KCNA5: variants seen among roughly 807,000 people sequenced by gnomAD.
The protein encoded by KCNA5 is potassium voltage-gated channel subfamily A member 5.
Under a neutral mutation model 26.5 loss-of-function variants are expected in KCNA5, and 22 were observed. The ratio of observed to expected loss-of-function variants is 0.83; its 90% CI spans 0.59 to 1.18. The LOEUF is 1.18. KCNA5 is among the 50% of genes most tolerant of loss of function. The pLI is 0.00. For missense variants in KCNA5, 916 were observed against 843.2 expected, an observed-to-expected ratio of 1.09 and a Z score of -1.07; for synonymous variants, 465 against 372.8, an observed-to-expected ratio of 1.25 and a Z score of -2.85.
In KCNA5 at chr12:5,044,652, C is replaced by T; in HGVS notation, c.505C>T (p.Arg169Trp). Residue 169 changes from arginine (R) to tryptophan (W), a missense_variant, in exon 1 of 1, where the codon CGG (arginine) becomes TGG (tryptophan). By Grantham distance (101) the Arg-to-Trp change is moderately radical (BLOSUM62 -3). Transcript: ENST00000252321. ...LRNEYFFDRN[R>W]PSFDGILYYY... ...GAACGAGTACTTCTTCGACCGCAAC[C>T]GGCCCAGCTTCGACGGTATCCTCTA... 6.2e-7 allele frequency: 1 copy of T among 1,614,184 alleles called. No homozygotes were observed. Among genetic ancestry groups the T allele is most frequent in the Non-Finnish European group, 8.5e-7 (1 of 1,180,044 alleles).
chr12:5,043,955 A>G lies in KCNA5; in HGVS notation c.-193A>G. On this transcript the variant is annotated 5_prime_UTR_variant, in exon 1 of 1. Transcript: ENST00000252321. ...TTGGTAACGGGCTGCCAGAAGAGAGAGAGGCAGAGAGCAGGGCAGCGGCTT... is the reference window on the plus strand; with the variant it reads ...TTGGTAACGGGCTGCCAGAAGAGAGGGAGGCAGAGAGCAGGGCAGCGGCTT... The G allele has an allele frequency of 1.6e-6, 1 of 609,764 alleles. No individual in the cohort carries two copies. The highest frequency in any genetic ancestry group is 2.9e-6 in the Non-Finnish European group (1 of 350,702). The allele number at this position is 609,764 out of a possible 1,614,324, so 37.8% of individuals were successfully genotyped here.
At position 5,046,140 on chromosome 12, in the gene KCNA5, C is replaced by T; in HGVS notation, c.*151C>T. The T allele has an allele frequency of 2.1e-6, 2 of 975,490 alleles. No individual in the cohort carries two copies. Among genetic ancestry groups the T allele is most frequent in the Non-Finnish European group, 3.2e-6 (2 of 626,480 alleles). 60.4% of individuals were successfully genotyped at this position (975,490 alleles called of 1,614,324 possible). A position where few individuals can be genotyped will look rare whatever the true frequency, so the allele number is the denominator to read the frequency against. ...ACTCCTTTCCTCCCTCCCTCGATCC[C>T]CCCATTTTCTCTATTCTTTCCATGA... On this transcript the variant is annotated 3_prime_UTR_variant, in exon 1 of 1. Coordinates refer to ENST00000252321, the MANE Select transcript of KCNA5 (RefSeq NM_002234.4).
chr12:5,046,589 T>C lies in KCNA5; in HGVS notation c.*600T>C, dbSNP rs1314136051. The C allele has an allele frequency of 5.8e-6, 1 of 173,000 alleles. No individual in the cohort carries two copies. Among genetic ancestry groups the C allele is most frequent in the Admixed American group, 5.9e-5 (1 of 16,818 alleles). 10.7% of individuals were successfully genotyped at this position (173,000 alleles called of 1,614,324 possible). A position where few individuals can be genotyped will look rare whatever the true frequency, so the allele number is the denominator to read the frequency against. On this transcript the variant is annotated 3_prime_UTR_variant, in exon 1 of 1. Coordinates refer to ENST00000252321, the MANE Select transcript of KCNA5 (RefSeq NM_002234.4). The stretch of plus-strand genomic sequence containing the variant: ...TCCTGTGTCTCCAAGCCTCTGTCTT[T>C]TCTGGGATGTGGTATTGGTGCTTTG...
Position 5,044,923 on chromosome 12 carries a change from T to C in KCNA5, c.776T>C (p.Val259Ala). The C allele has an allele frequency of 6.2e-7, 1 of 1,613,678 alleles. No homozygotes were observed. ...GCCATCGCCATCGTCTCGGTCTTGG[T>C]TATCCTCATCTCCATCATCACCTTC... Reference protein sequence around the residue: ...ARAIAIVSVLVILISIITFCL... With the variant: ...ARAIAIVSVLAILISIITFCL... The change falls in exon 1 of 1, where the codon GTT becomes GCT. Residue 259 changes from valine (V) to alanine (A), a missense_variant. Physicochemically the swap from Val to Ala is moderately conservative, Grantham distance 64. Coordinates refer to ENST00000252321, the MANE Select transcript of KCNA5 (RefSeq NM_002234.4).
chr12:5,044,646 C>T lies in KCNA5; in HGVS notation c.499C>T (p.Arg167Cys), dbSNP rs1862750148. Residue 167 changes from arginine to cysteine, a missense_variant, in exon 1 of 1, where the codon CGC becomes TGC. Coordinates refer to ENST00000252321, the MANE Select transcript of KCNA5 (RefSeq NM_002234.4). The part of the protein sequence containing the change: ...DPLRNEYFFD[R>C]NRPSFDGILY... ...CCTGAGGAACGAGTACTTCTTCGAC[C>T]GCAACCGGCCCAGCTTCGACGGTAT... is the stretch of plus-strand genomic sequence containing the variant. 6.2e-7 allele frequency: 1 copy of T among 1,614,168 alleles called. No homozygotes were observed. The highest frequency in any genetic ancestry group is 2.2e-5 in the East Asian group (1 of 44,862).
rs1431231543 is a variant in KCNA5, at chr12:5,044,612, C to T, written c.465C>T (p.Tyr155=). Residue 155 remains tyrosine, a synonymous_variant, in exon 1 of 1, where the codon TAC becomes TAT. Coordinates refer to ENST00000252321, the MANE Select transcript of KCNA5 (RefSeq NM_002234.4). Reference sequence around the variant, plus strand: ...GGGACCCCGCCAAGCGCCTGCGCTACTTCGACCCCCTGAGGAACGAGTACT... The same window carrying T: ...GGGACCCCGCCAAGCGCCTGCGCTATTTCGACCCCCTGAGGAACGAGTACT... The part of the protein sequence containing the change: ...LLGDPAKRLR[Y]FDPLRNEYFF... The T allele has an allele frequency of 1.2e-6, 2 of 1,614,146 alleles. No homozygotes were observed. Among genetic ancestry groups the T allele is most frequent in the East Asian group, 2.2e-5 (1 of 44,874 alleles).
At position 5,044,927 on chromosome 12, in the gene KCNA5, C is replaced by T. The variant is rs781452840; in HGVS notation, c.780C>T (p.Ile260=). 35 of 1,613,644 alleles carry T rather than the reference C, an allele frequency of 2.2e-5. No individual in the cohort carries two copies. Among genetic ancestry groups the T allele is most frequent in the Admixed American group, 3.3e-5 (2 of 59,996 alleles). ...RAIAIVSVLV[I]LISIITFCLE... is the part of the protein sequence containing the mutation. ...TCGCCATCGTCTCGGTCTTGGTTAT[C>T]CTCATCTCCATCATCACCTTCTGCT... The change falls in exon 1 of 1, where the codon ATC becomes ATT. Residue 260 remains isoleucine (I), a synonymous_variant. Transcript: ENST00000252321.
rs61737395 is a variant in KCNA5, at chr12:5,044,239, G to A, written c.92G>A (p.Gly31Glu). ...EARAGCGQAT[G>E]GELQCPPTAG... ...CGGGCAGGCTGCGGCCAGGCCACAG[G>A]GGGAGAGCTCCAGTGTCCCCCGACG... Residue 31 changes from glycine to glutamate, a missense_variant, in exon 1 of 1, where the codon GGG becomes GAG. Gly to Glu is a moderately conservative substitution (Grantham distance 98). Coordinates refer to ENST00000252321, the MANE Select transcript of KCNA5 (RefSeq NM_002234.4). The A allele has an allele frequency of 6.5e-7, 1 of 1,539,188 alleles. No individual in the cohort carries two copies. The highest frequency in any genetic ancestry group is 8.7e-7 in the Non-Finnish European group (1 of 1,147,696).
In KCNA5 at chr12:5,044,092, G is replaced by A; in HGVS notation, c.-56G>A. 11 of 1,526,716 alleles carry A rather than the reference G, an allele frequency of 7.2e-6. No individual in the cohort carries two copies. The highest frequency in any genetic ancestry group is 9.6e-6 in the Non-Finnish European group (11 of 1,140,950). 94.6% of individuals were successfully genotyped at this position (1,526,716 alleles called of 1,614,324 possible). ...GACGCCAGGCGCCCGCGGAGCGTGA[G>A]TAGGGGGCGCGGGAGCCGGTCAGCT... is the stretch of plus-strand genomic sequence containing the variant. On this transcript the variant is annotated 5_prime_UTR_variant, in exon 1 of 1. Transcript: ENST00000252321.
In KCNA5 at chr12:5,045,306, G is replaced by A. The variant is rs200759249; in HGVS notation, c.1159G>A (p.Gly387Ser). The stretch of plus-strand genomic sequence containing the variant: ...GCAGCAGCCAGGGGGTGGAGGAGGC[G>A]GCCAGAATGGGCAGCAGGCCATGTC... ...AEQQPGGGGG[G>S]QNGQQAMSLA... is the part of the protein sequence containing the mutation. Residue 387 changes from glycine to serine, a missense_variant, in exon 1 of 1, where the codon GGC becomes AGC. Gly to Ser is a moderately conservative substitution (Grantham distance 56). Transcript: ENST00000252321. This position sits in a 1 kb window ranked among gnomAD's most constrained non-coding sequence, Gnocchi z 5.6. 7.4e-6 allele frequency: 12 copies of A among 1,614,088 alleles called. No individual in the cohort carries two copies. The Admixed American group carries it at 1.7e-4, about 22-fold the overall frequency.
At position 5,044,465 on chromosome 12, in the gene KCNA5, G is replaced by C. The variant is rs746237540; in HGVS notation, c.318G>C (p.Thr106=). The change falls in exon 1 of 1, where the codon ACG becomes ACC. Residue 106 remains threonine (T), a synonymous_variant. Coordinates refer to ENST00000252321, the MANE Select transcript of KCNA5 (RefSeq NM_002234.4). ...AAGAAGGCGATCCCGGCCTGGGCAC[G>C]GTGGAGGACCAGGCTCTGGGCACGG... The part of the protein sequence containing the change: ...EEEEGDPGLG[T]VEDQALGTAS... 6.2e-7 allele frequency: 1 copy of C among 1,611,532 alleles called. No individual in the cohort carries two copies. Among genetic ancestry groups the C allele is most frequent in the South Asian group, 1.1e-5 (1 of 90,940 alleles).
chr12:5,044,743 A>G lies in KCNA5; in HGVS notation c.596A>G (p.Glu199Gly). ...VNVSLDVFAD[E>G]IRFYQLGDEA... Reference sequence around the variant, plus strand: ...GTCTCCCTGGACGTGTTCGCGGACGAGATACGCTTCTACCAGCTGGGGGAC... The same window carrying G: ...GTCTCCCTGGACGTGTTCGCGGACGGGATACGCTTCTACCAGCTGGGGGAC... Residue 199 changes from glutamate (E) to glycine (G), a missense_variant, in exon 1 of 1, where the codon GAG becomes GGG. By Grantham distance (98) the Glu-to-Gly change is moderately conservative. Coordinates refer to ENST00000252321, the MANE Select transcript of KCNA5 (RefSeq NM_002234.4). 1 of 1,614,108 alleles carries G rather than the reference A, an allele frequency of 6.2e-7. No individual in the cohort carries two copies. Among genetic ancestry groups the G allele is most frequent in the Non-Finnish European group, 8.5e-7 (1 of 1,180,034 alleles).
rs958160393 is a variant in KCNA5 at position 5,044,310 on chromosome 12, G to C, written c.163G>C (p.Gly55Arg). 2.6e-6 allele frequency: 4 copies of C among 1,549,582 alleles called. No individual in the cohort carries two copies. Among genetic ancestry groups the C allele is most frequent in the Non-Finnish European group, 2.6e-6 (3 of 1,153,866 alleles). Residue 55 changes from glycine to arginine, a missense_variant, in exon 1 of 1, where the codon GGC becomes CGC. By Grantham distance (125) the Gly-to-Arg change is moderately radical. Coordinates refer to ENST00000252321, the MANE Select transcript of KCNA5 (RefSeq NM_002234.4). ...GPKEPAPKGRGAQRDADSGVR... is the reference protein window; with the variant it reads ...GPKEPAPKGRRAQRDADSGVR... ...CAAGGAGCCGGCGCCAAAGGGGCGC[G>C]GCGCGCAGAGAGACGCGGACTCGGG...
Position 5,044,608 on chromosome 12 carries a change from G to A in KCNA5, c.461G>A (p.Arg154His), listed in dbSNP as rs1416234841. 3 of 1,614,088 alleles carry A rather than the reference G, an allele frequency of 1.9e-6. No individual in the cohort carries two copies. The highest frequency in any genetic ancestry group is 2.2e-5 in the East Asian group (1 of 44,864). ...TLLGDPAKRLRYFDPLRNEYF... is the reference protein window; with the variant it reads ...TLLGDPAKRLHYFDPLRNEYF... ...CTGGGGGACCCCGCCAAGCGCCTGCGCTACTTCGACCCCCTGAGGAACGAG... is the reference window on the plus strand; with the variant it reads ...CTGGGGGACCCCGCCAAGCGCCTGCACTACTTCGACCCCCTGAGGAACGAG... Residue 154 changes from arginine (R) to histidine (H), a missense_variant, in exon 1 of 1, where the codon CGC (arginine) becomes CAC (histidine). Physicochemically the swap from Arg to His is conservative, Grantham distance 29. Transcript: ENST00000252321.
chr12:5,044,598 A>C lies in KCNA5; in HGVS notation c.451A>C (p.Lys151Gln). Residue 151 changes from lysine (K) to glutamine (Q), a missense_variant, in exon 1 of 1, where the codon AAG (lysine) becomes CAG (glutamine). Lys to Gln is a moderately conservative substitution (Grantham distance 53). Coordinates refer to ENST00000252321, the MANE Select transcript of KCNA5 (RefSeq NM_002234.4). ...FPNTLLGDPAKRLRYFDPLRN... is the reference protein window; with the variant it reads ...FPNTLLGDPAQRLRYFDPLRN... The stretch of plus-strand genomic sequence containing the variant: ...CAACACACTCCTGGGGGACCCCGCC[A>C]AGCGCCTGCGCTACTTCGACCCCCT... 1.2e-6 allele frequency: 2 copies of C among 1,614,104 alleles called. No individual in the cohort carries two copies. The highest frequency in any genetic ancestry group is 1.7e-6 in the Non-Finnish European group (2 of 1,180,034).
rs756977657 is a variant in KCNA5, at chr12:5,044,607, C to A, written c.460C>A (p.Arg154Ser). 1.7e-5 allele frequency: 28 copies of A among 1,613,972 alleles called. No individual in the cohort carries two copies. In the South Asian group the frequency reaches 1.8e-4, roughly 10 times the overall value. ...TLLGDPAKRL[R>S]YFDPLRNEYF... is the part of the protein sequence containing the mutation. ...CCTGGGGGACCCCGCCAAGCGCCTG[C>A]GCTACTTCGACCCCCTGAGGAACGA... The change falls in exon 1 of 1, where the codon CGC becomes AGC. Residue 154 changes from arginine (R) to serine (S), a missense_variant. Arg to Ser is a moderately radical substitution (Grantham distance 110). Coordinates refer to ENST00000252321, the MANE Select transcript of KCNA5 (RefSeq NM_002234.4).
rs199597465 is a variant in KCNA5 at position 5,044,711 on chromosome 12, G to A, written c.564G>A (p.Pro188=). Residue 188 remains proline (P), a synonymous_variant, in exon 1 of 1, where the codon CCG becomes CCA. Transcript: ENST00000252321. ...YYQSGGRLRR[P]VNVSLDVFAD... is the part of the protein sequence containing the mutation. ...AGTCCGGGGGCCGCCTGCGGAGGCC[G>A]GTCAACGTCTCCCTGGACGTGTTCG... The A allele has an allele frequency of 3.7e-6, 6 of 1,614,154 alleles. No individual in the cohort carries two copies. In the East Asian group the frequency reaches 8.9e-5, roughly 24 times the overall value.
At position 5,045,666 on chromosome 12, in the gene KCNA5, A is replaced by T. The variant is rs772634120; in HGVS notation, c.1519A>T (p.Thr507Ser). The change falls in exon 1 of 1, where the codon ACC becomes TCC. Residue 507 changes from threonine to serine, a missense_variant. By Grantham distance (58) the Thr-to-Ser change is moderately conservative. Coordinates refer to ENST00000252321, the MANE Select transcript of KCNA5 (RefSeq NM_002234.4). The surrounding 1 kb of genome is among the most constrained non-coding windows in gnomAD (Gnocchi z 5.6). ...GCTGTGTGCCATCGCCGGGGTCCTCACCATTGCCCTGCCTGTGCCCGTCAT... is the reference window on the plus strand; with the variant it reads ...GCTGTGTGCCATCGCCGGGGTCCTCTCCATTGCCCTGCCTGTGCCCGTCAT... ...GSLCAIAGVL[T>S]IALPVPVIVS... 6.2e-7 allele frequency: 1 copy of T among 1,613,960 alleles called. No homozygotes were observed. Among genetic ancestry groups the T allele is most frequent in the Non-Finnish European group, 8.5e-7 (1 of 1,179,976 alleles).
At position 5,046,111 on chromosome 12, in the gene KCNA5, T is replaced by C. The variant is rs1862776372; in HGVS notation, c.*122T>C. 5.2e-6 allele frequency: 6 copies of C among 1,164,262 alleles called. No individual in the cohort carries two copies. Among genetic ancestry groups the C allele is most frequent in the Middle Eastern group, 2.4e-4 (1 of 4,216 alleles). The allele number at this position is 1,164,262 out of a possible 1,614,324, so 72.1% of individuals were successfully genotyped here. The stretch of plus-strand genomic sequence containing the variant: ...CTGTAACCTCAGTCTACCCCTCTCC[T>C]TTCACTCCTTTCCTCCCTCCCTCGA... On this transcript the variant is annotated 3_prime_UTR_variant, in exon 1 of 1. Transcript: ENST00000252321.
Sources: allele counts gnomAD v4.1 joint callset, GRCh38; gene constraint gnomAD v4.1.1; non-coding constraint Gnocchi (gnomAD v3.1); transcripts MANE v1.5; gene names NCBI Gene and HGNC (gene_info 2026-07-23, HGNC 2026-07-21).